Variants in NRXN1 observed in about 807,000 individuals in gnomAD.
NRXN1 encodes the protein neurexin 1.
Under a neutral mutation model 150.9 loss-of-function variants are expected in NRXN1, and 39 were observed. The ratio of observed to expected loss-of-function variants is 0.26; its 90% confidence interval spans 0.20 to 0.34. NRXN1 has a LOEUF of 0.34. Among genes scored for constraint, NRXN1 ranks in the 10% least tolerant of loss-of-function variants. The pLI, the probability that NRXN1 is intolerant of heterozygous loss-of-function variation, is 1.00. For synonymous variants in NRXN1, 924 were observed against 757.0 expected, an observed-to-expected ratio of 1.22 and a Z score of -3.62; for missense variants, 1,815 against 1,949.9, an observed-to-expected ratio of 0.93 and a Z score of 1.30.
chr2:49,929,706 T>C (rs1480945610), intron 22 of NRXN1, among the ~76,000 whole-genome samples: 1 of 152,198 alleles, frequency 6.6e-6, no homozygotes, highest in African/African-American at 2.4e-5. Context: ...TTGGCTCAAA[T>C]GTCCCATCTT....
intron 13 of NRXN1, among the ~76,000 whole-genome samples, chr2:50,499,816 T>C (rs561032304): frequency 1.5e-3 from 234 of 151,748 alleles, no homozygotes; most frequent in African/African-American, 5.4e-3. Context: ...GGCGTGGTGG[T>C]GGGCGCCTGT....
At chr2:50,500,348 A>T (rs1462356172) in intron 13 of NRXN1, among the ~76,000 whole-genome samples, 1 of 149,444 alleles carries the variant, frequency 6.7e-6, no homozygotes. Context: ...GTTACAAGAT[A>T]AAAAAAAAAT....
intron 5 of NRXN1, among the ~76,000 whole-genome samples, chr2:50,715,203 C>T (rs566280316): frequency 1.3e-5 from 2 of 152,132 alleles, no homozygotes; most frequent in South Asian, 2.1e-4. Flanking sequence ...CAGGAAATAG[C>T]ACCTCACATA....
chr2:50,823,331 G>T (rs964916748), intron 5 of NRXN1, among the ~76,000 whole-genome samples: 2 of 152,122 alleles, frequency 1.3e-5, no homozygotes, highest in African/African-American at 4.8e-5. Flanking sequence ...CAGACCTGGG[G>T]TTGCTGAAGA....
At chr2:50,018,769 A>G (rs534952608) in intron 21 of NRXN1, among the ~76,000 whole-genome samples, 1 of 152,322 alleles carries the variant, frequency 6.6e-6, no homozygotes, top group African/African-American at 2.4e-5. Flanking sequence ...CCACATCCTT[A>G]GCAATTAACT....
intron 18 of NRXN1, among the ~76,000 whole-genome samples, chr2:50,101,129 T>C (rs142621772): frequency 1.3e-5 from 2 of 152,108 alleles, no homozygotes; most frequent in African/African-American, 4.8e-5. Context: ...TTATTGTTGC[T>C]TTAAAGACCC....
At chr2:50,938,421 A>G (rs897168330) in intron 2 of NRXN1, among the ~76,000 whole-genome samples, 4 of 152,104 alleles carry the variant, frequency 2.6e-5, no homozygotes, top group Admixed American at 2.0e-4. Context: ...TTTTTGTCAG[A>G]ACCATTCAAC....
intron 17 of NRXN1, among the ~76,000 whole-genome samples, chr2:50,324,593 G>A (rs2076266126): frequency 6.6e-6 from 1 of 152,196 alleles, no homozygotes; most frequent in African/African-American, 2.4e-5. Context: ...CCAGGTTGAA[G>A]TGCAGTGGCG....
chr2:49,988,514 T>C (rs1316028040), intron 21 of NRXN1, among the ~76,000 whole-genome samples: 1 of 151,746 alleles, frequency 6.6e-6, no homozygotes, highest in Non-Finnish European at 1.5e-5. Flanking sequence ...AACTCATGGC[T>C]GAATCACAAA....
In NRXN1 at chr2:50,538,582, T is replaced by G; in HGVS notation, c.1814A>C (p.Glu605Ala). 6 of 1,557,554 alleles carry G rather than the reference T, an allele frequency of 3.9e-6. No homozygotes were observed. Among genetic ancestry groups the G allele is most frequent in the Non-Finnish European group, 5.2e-6 (6 of 1,150,592 alleles). Residue 605 changes from glutamate to alanine, a missense_variant, in exon 10 of 23, where the codon GAG becomes GCG. By Grantham distance (107) the Glu-to-Ala change is moderately radical. Around this residue, in one of 6 missense-constraint regions of NRXN1, gnomAD observed 638 missense variants for 652.6 expected, o/e 0.98. Coordinates refer to ENST00000401669, the MANE Select transcript of NRXN1 (RefSeq NM_001330078.2). ...CAACTCATCATCCAGGTCCAGAATC[T>G]CACTCTCACCAGGAGCAGTGTAGGG... is the stretch of plus-strand genomic sequence containing the variant. Reference protein sequence around the residue: ...RTPYTAPGESEILDLDDELYL... With the variant: ...RTPYTAPGESAILDLDDELYL...
intron 19 of NRXN1, among the ~76,000 whole-genome samples, chr2:50,059,597 C>T (rs1042374795): frequency 1.3e-5 from 2 of 152,194 alleles, no homozygotes; most frequent in African/African-American, 4.8e-5. Flanking sequence ...GTCTCCAGAG[C>T]ATGTCAGACA....
intron 5 of NRXN1, among the ~76,000 whole-genome samples, chr2:50,771,447 G>T (rs569816067): frequency 6.6e-6 from 1 of 152,220 alleles, no homozygotes; most frequent in Non-Finnish European, 1.5e-5. Flanking sequence ...TGAGAGAAAA[G>T]TCAGGACAGT....
At chr2:50,240,484 C>T (rs1259787711) in intron 17 of NRXN1, among the ~76,000 whole-genome samples, 12 of 151,552 alleles carry the variant, frequency 7.9e-5, no homozygotes, top group South Asian at 4.1e-4. Flanking sequence ...TTCTTAAAGC[C>T]CTCTTTTCAC....
intron 17 of NRXN1, among the ~76,000 whole-genome samples, chr2:50,284,534 TG>T (rs1574924501): frequency 6.6e-6 from 1 of 152,194 alleles, no homozygotes; most frequent in Non-Finnish European, 1.5e-5. Flanking sequence ...AATCTTCATA[TG>T]GAAAAAGGCT....
intron 18 of NRXN1, among the ~76,000 whole-genome samples, chr2:50,122,475 A>G (rs17039898): frequency 0.073 from 11,081 of 152,238 alleles, 1,353 homozygotes; most frequent in African/African-American, 0.25. Context: ...GAGATCACAA[A>G]AGTGCATGGT....
chr2:50,450,213 A>G (rs1449525223), intron 17 of NRXN1, among the ~76,000 whole-genome samples: 1 of 152,106 alleles, frequency 6.6e-6, no homozygotes, highest in Middle Eastern at 3.2e-3. Context: ...CTTCCCAATT[A>G]AGGTCCATCT....
chr2:50,206,689 T>C (rs2062606938), intron 18 of NRXN1, among the ~76,000 whole-genome samples: 1 of 152,078 alleles, frequency 6.6e-6, no homozygotes, highest in Non-Finnish European at 1.5e-5. Flanking sequence ...TTTTGTTTTG[T>C]TTTGTTTTCA....
intron 5 of NRXN1, among the ~76,000 whole-genome samples, chr2:50,720,812 C>G (rs946273015): frequency 6.6e-6 from 1 of 152,134 alleles, no homozygotes; most frequent in African/African-American, 2.4e-5. Context: ...CCAGGTGCCA[C>G]TTAACTCTCC....
chr2:50,948,003 T>TA (rs1051261354), intron 2 of NRXN1, among the ~76,000 whole-genome samples: 2 of 151,940 alleles, frequency 1.3e-5, no homozygotes, highest in African/African-American at 4.8e-5. Context: ...CAAAATACAT[T>TA]AAAAAATCCT....
Sources: allele counts gnomAD v4.1 joint callset (sites outside exome capture counted in the v4.1 genomes callset), GRCh38; gene constraint gnomAD v4.1.1; regional missense constraint gnomAD v4.1.1; transcripts MANE v1.5; gene names NCBI Gene and HGNC (gene_info 2026-07-23, HGNC 2026-07-21).